Variants in TNR observed in about 807,000 individuals in gnomAD.
TNR encodes the protein tenascin-R.
In TNR, 45 loss-of-function variants were observed where a neutral mutation model predicts 150.4. The ratio of observed to expected loss-of-function variants is 0.30; its 90% CI spans 0.24 to 0.38. TNR has a LOEUF of 0.38. TNR is among the 10% of genes least tolerant of loss of function. TNR has a pLI of 1.00. For synonymous variants in TNR, 687 were observed against 678.4 expected (o/e 1.01, Z -0.20); for missense variants, 1,544 against 1,759.1 (o/e 0.88, Z 2.19).
chr1:175,698,311 A>G (rs1454889568), intron 1 of TNR, among the ~76,000 whole-genome samples: 2 of 152,192 alleles, frequency 1.3e-5, no homozygotes, highest in East Asian at 1.9e-4. Context: ...GCCGTTCCAT[A>G]TGGTGAGACC....
intron 18 of TNR, among the ~76,000 whole-genome samples, chr1:175,354,134 C>G (rs554024419): frequency 6.6e-6 from 1 of 152,146 alleles, no homozygotes; most frequent in Non-Finnish European, 1.5e-5. Context: ...TGTGAGTCAC[C>G]GCACCCAGCC....
chr1:175,459,303 C>T (rs1441064863), intron 2 of TNR, among the ~76,000 whole-genome samples: 2 of 152,188 alleles, frequency 1.3e-5, no homozygotes, highest in Admixed American at 1.3e-4. Context: ...TCACCTCTGC[C>T]ACCGTCATCA....
chr1:175,378,503 G>C, intron 9 of TNR, among the ~76,000 whole-genome samples: 1 of 152,212 alleles, frequency 6.6e-6, no homozygotes, highest in Non-Finnish European at 1.5e-5. Context: ...AGATGAAGCT[G>C]CCGGACAGAA....
chr1:175,419,181 A>C (rs1243551404), intron 2 of TNR, among the ~76,000 whole-genome samples: 1 of 152,180 alleles, frequency 6.6e-6, no homozygotes, highest in African/African-American at 2.4e-5. Context: ...GTTATACTGC[A>C]TCATCTTTGT....
chr1:175,631,957 C>A (rs1012466651), intron 1 of TNR, among the ~76,000 whole-genome samples: 1 of 152,184 alleles, frequency 6.6e-6, no homozygotes, highest in Non-Finnish European at 1.5e-5. Context: ...AACCAGGAGG[C>A]ATCTATCATT....
At chr1:175,705,518 C>T (rs1447899098) in intron 1 of TNR, among the ~76,000 whole-genome samples, 1 of 151,876 alleles carries the variant, frequency 6.6e-6, no homozygotes, top group East Asian at 1.9e-4. Context: ...TTGGTGCATT[C>T]AAAGCAGCAT....
chr1:175,654,960 G>T (rs1216624902), intron 1 of TNR, among the ~76,000 whole-genome samples: 1 of 152,028 alleles, frequency 6.6e-6, no homozygotes, highest in African/African-American at 2.4e-5. Flanking sequence ...CTGACCTCGT[G>T]ATCCGCCCAC....
intron 1 of TNR, among the ~76,000 whole-genome samples, chr1:175,677,805 G>A (rs374122394): frequency 4.6e-5 from 7 of 151,998 alleles, no homozygotes; most frequent in East Asian, 3.9e-4. Flanking sequence ...TGCACACCTC[G>A]CTGGATTCTA....
chr1:175,430,971 T>G (rs578060368), intron 2 of TNR, among the ~76,000 whole-genome samples: 3 of 152,346 alleles, frequency 2.0e-5, no homozygotes, highest in Admixed American at 1.3e-4. Context: ...AGGTCCAATT[T>G]GGGCATCCTT....
intron 3 of TNR, among the ~76,000 whole-genome samples, chr1:175,405,832 A>G (rs951320846): frequency 6.6e-6 from 1 of 152,160 alleles, no homozygotes; most frequent in Non-Finnish European, 1.5e-5. Context: ...ATAGATATCA[A>G]TTCAACAGCC....
At chr1:175,742,754 C>G (rs1667966277) in intron 1 of TNR, among the ~76,000 whole-genome samples, 1 of 152,180 alleles carries the variant, frequency 6.6e-6, no homozygotes, top group South Asian at 2.1e-4. Context: ...AGGTGCGTAA[C>G]TTTTAACTCT....
intron 2 of TNR, among the ~76,000 whole-genome samples, chr1:175,415,295 G>A (rs1458358022): frequency 6.6e-6 from 1 of 152,162 alleles, no homozygotes; most frequent in Non-Finnish European, 1.5e-5. Flanking sequence ...AGGCAGCGCT[G>A]GGCTGCTGGG....
At chr1:175,549,169 C>T (rs1193001162) in intron 1 of TNR, among the ~76,000 whole-genome samples, 1 of 152,220 alleles carries the variant, frequency 6.6e-6, no homozygotes, top group East Asian at 1.9e-4. Context: ...CACTGAGGGT[C>T]TGCTTTGGGT....
intron 1 of TNR, among the ~76,000 whole-genome samples, chr1:175,578,519 C>T (rs971785984): frequency 1.3e-5 from 2 of 151,990 alleles, no homozygotes; most frequent in African/African-American, 4.8e-5. Flanking sequence ...ATGACATGGG[C>T]ATACAGAGGG....
intron 21 of TNR, among the ~76,000 whole-genome samples, chr1:175,329,199 G>T (rs1649578663): frequency 6.6e-6 from 1 of 152,156 alleles, no homozygotes; most frequent in African/African-American, 2.4e-5. Context: ...TAAAAATGTT[G>T]TTAAAATTAT....
chr1:175,482,044 G>T (rs1370992123), intron 2 of TNR, among the ~76,000 whole-genome samples: 2 of 152,224 alleles, frequency 1.3e-5, no homozygotes, highest in East Asian at 3.9e-4. Flanking sequence ...AACCGTGAGG[G>T]GTCAGTTAAT....
intron 1 of TNR, among the ~76,000 whole-genome samples, chr1:175,656,942 A>T (rs556691174): frequency 6.6e-6 from 1 of 152,290 alleles, no homozygotes; most frequent in East Asian, 1.9e-4. Flanking sequence ...TTGCTAAAGG[A>T]TGCTATGCAC....
intron 1 of TNR, among the ~76,000 whole-genome samples, chr1:175,723,249 C>T (rs1359413157): frequency 1.3e-5 from 2 of 152,216 alleles, no homozygotes; most frequent in African/African-American, 4.8e-5. Context: ...AGGAACATGA[C>T]AGAGGCATCT....
chr1:175,607,125 A>G (rs1195378569), intron 1 of TNR, among the ~76,000 whole-genome samples: 1 of 151,946 alleles, frequency 6.6e-6, no homozygotes, highest in Non-Finnish European at 1.5e-5. Context: ...CATCTATCCC[A>G]TTTCTTTCTA....
Sources: allele counts gnomAD v4.1 joint callset (sites outside exome capture counted in the v4.1 genomes callset), GRCh38; gene constraint gnomAD v4.1.1; transcripts MANE v1.5; gene names NCBI Gene and HGNC (gene_info 2026-07-23, HGNC 2026-07-21).